The following CALCOCO2 variants were observed in gnomAD, a reference collection of about 807,000 sequenced individuals.
The protein encoded by CALCOCO2 is calcium binding and coiled-coil domain 2, also known as calcium-binding and coiled-coil domain-containing protein 2.
In CALCOCO2, 42 loss-of-function variants were observed where a neutral mutation model predicts 62.5. The ratio of observed to expected loss-of-function variants is 0.67; its 90% confidence interval spans 0.53 to 0.87. CALCOCO2 has a LOEUF of 0.87. Among genes scored for constraint, CALCOCO2 ranks in the 40% least tolerant of loss-of-function variants. The pLI is 0.00. For missense variants in CALCOCO2, 456 were observed against 515.0 expected (o/e 0.89, Z 1.11); for synonymous variants, 167 against 173.0 (o/e 0.97, Z 0.27).
At chr17:48,844,996 C>G (rs1015280888) in intron 2 of CALCOCO2, among the ~76,000 whole-genome samples, 22 of 151,936 alleles carry the variant, frequency 1.4e-4, no homozygotes, top group Admixed American at 5.2e-4. Context: ...ATTAGCCAGG[C>G]GTGGTGGCAC....
intron 1 of CALCOCO2, among the ~76,000 whole-genome samples, chr17:48,834,698 C>T (rs116525802): frequency 0.012 from 1,789 of 152,184 alleles, 36 homozygotes; most frequent in African/African-American, 0.04. Flanking sequence ...GGATGGTAGA[C>T]AGGTTCTATA....
chr17:48,834,795 C>G (rs879461784), intron 1 of CALCOCO2, among the ~76,000 whole-genome samples: 48 of 152,142 alleles, frequency 3.2e-4, no homozygotes, highest in Non-Finnish European at 1.0e-4. Context: ...CGCCTGTAAT[C>G]CCAGCACTTT....
chr17:48,855,217 A>G (rs563454801), intron 9 of CALCOCO2, among the ~76,000 whole-genome samples: 3 of 152,284 alleles, frequency 2.0e-5, no homozygotes, highest in African/African-American at 4.8e-5. Flanking sequence ...GTAACTATCA[A>G]GCAGGTTTCT....
At chr17:48,862,424 G>T in intron 12 of CALCOCO2, 120 bp downstream of exon 12, 1 of 779,282 alleles carries the variant, frequency 1.3e-6, no homozygotes. Flanking sequence ...AAGTCAGCTG[G>T]ATCAGTTTGT....
At chr17:48,852,476 T>A (rs375078334) in intron 7 of CALCOCO2, 30 bp from the exon 8 acceptor site, 54 of 1,595,194 alleles carry the variant, frequency 3.4e-5, no homozygotes, top group Non-Finnish European at 4.0e-5. Context: ...TTCTTTTATA[T>A]CTTGGTTATG....
intron 1 of CALCOCO2, among the ~76,000 whole-genome samples, chr17:48,837,176 T>C (rs2039905474): frequency 6.6e-6 from 1 of 152,150 alleles, no homozygotes; most frequent in South Asian, 2.1e-4. Context: ...CAGAGGGATA[T>C]GCTGGCCTCC....
At chr17:48,860,286 A>G (rs1162786503) in intron 10 of CALCOCO2, 28 bp from the exon 11 acceptor site, 4 of 1,605,186 alleles carry the variant, frequency 2.5e-6, no homozygotes, top group Non-Finnish European at 3.4e-6. Flanking sequence ...ATTGTCTTTC[A>G]ACATGTCTAT....
In CALCOCO2 at chr17:48,845,919, C is replaced by T. The variant is rs567025965; in HGVS notation, c.181-2145C>T. On this transcript the variant is annotated intron_variant, in intron 2 of 12. Coordinates refer to ENST00000258947, the MANE Select transcript of CALCOCO2 (RefSeq NM_005831.5). ...GCTCCCAAACCTCTGGTTTTTCCTC[C>T]TCTACTCTGCTGAATTCCTTTGAGC... is the stretch of plus-strand genomic sequence containing the variant. 1.3e-5 allele frequency: 6 copies of T among 457,956 alleles called. No homozygotes were observed. The East Asian group carries it at 1.9e-4, about 15-fold the overall frequency. 28.4% of individuals were successfully genotyped at this position (457,956 alleles called of 1,614,324 possible).
At chr17:48,848,275 T>C (rs369182557) in intron 3 of CALCOCO2, 47 bp from the exon 4 acceptor site, 224 of 1,599,294 alleles carry the variant, frequency 1.4e-4, no homozygotes, top group Non-Finnish European at 1.8e-4. Flanking sequence ...AATTTTACTT[T>C]TCTGAATAGA....
At chr17:48,844,838 C>T (rs2040024542) in intron 2 of CALCOCO2, among the ~76,000 whole-genome samples, 1 of 150,906 alleles carries the variant, frequency 6.6e-6, no homozygotes, top group African/African-American at 2.4e-5. Context: ...CTTTTAAAAA[C>T]AAGTGTTTAA....
At chr17:48,860,546 A>G (rs1050123707) in intron 11 of CALCOCO2, 97 bp downstream of exon 11, 2 of 1,076,234 alleles carry the variant, frequency 1.9e-6, no homozygotes, top group African/African-American at 3.2e-5. Flanking sequence ...GACCAGTCTC[A>G]TTGTTAAGAC....
chr17:48,852,485 T>C (rs757936556), intron 7 of CALCOCO2, 21 bp from the exon 8 acceptor site: 10 of 1,604,578 alleles, frequency 6.2e-6, no homozygotes, highest in East Asian at 2.2e-5. Flanking sequence ...ATCTTGGTTA[T>C]GTTCACTATT....
Position 48,862,825 on chromosome 17 carries a change from C to T in CALCOCO2, c.1174-13C>T, listed in dbSNP as rs1282317447. On this transcript the variant is annotated splice_polypyrimidine_tract_variant and intron_variant, in intron 12 of 12. Transcript: ENST00000258947. ...GCTTACATTTGTACTGACCTCTTTG[C>T]TCTTCCTCCCAGCTCTCCATCAAGA... 3 of 1,612,796 alleles carry T rather than the reference C, an allele frequency of 1.9e-6. No individual in the cohort carries two copies. Among genetic ancestry groups the T allele is most frequent in the East Asian group, 4.5e-5 (2 of 44,876 alleles).
intron 1 of CALCOCO2, chr17:48,831,457 A>T (rs989605395): frequency 1.3e-5 from 2 of 152,178 alleles, no homozygotes. Flanking sequence ...CCTCGCCTGG[A>T]TGTCATCGCC....
At chr17:48,857,939 T>TGCACTCCAGCCTGGCTGACGTG (rs1174536247) in intron 10 of CALCOCO2, among the ~76,000 whole-genome samples, 1 of 145,418 alleles carries the variant, frequency 6.9e-6, no homozygotes, top group Non-Finnish European at 1.5e-5. Context: ...ATCGTGCCAC[T>TGCACTCCAGCCTGGCTGACGTG]GCACTCCAGC....
chr17:48,846,655 C>A (rs2040057536), intron 2 of CALCOCO2: 8 of 606,436 alleles, frequency 1.3e-5, no homozygotes. Flanking sequence ...CCACCGCAGG[C>A]TGCAGTGGCT....
intron 1 of CALCOCO2, among the ~76,000 whole-genome samples, chr17:48,838,340 C>T (rs573710469): frequency 6.6e-6 from 1 of 152,148 alleles, no homozygotes; most frequent in East Asian, 1.9e-4. Context: ...CAGGGTGTGG[C>T]GCCGGGCTGT....
intron 9 of CALCOCO2, among the ~76,000 whole-genome samples, chr17:48,855,527 T>C (rs2143650375): frequency 6.6e-6 from 1 of 152,312 alleles, no homozygotes; most frequent in South Asian, 2.1e-4. Context: ...CTCTGAAGCA[T>C]GAAACCAGTT....
At chr17:48,841,972 G>A (rs1399123207) in intron 2 of CALCOCO2, 85 bp downstream of exon 2, 1 of 972,706 alleles carries the variant, frequency 1.0e-6, no homozygotes, top group Non-Finnish European at 1.5e-6. Flanking sequence ...TGTATTATAA[G>A]CATTTTGTAT....
Sources: gnomAD v4.1 joint callset for allele counts (sites outside exome capture counted in the v4.1 genomes callset) on GRCh38, gnomAD v4.1.1 for gene constraint, MANE v1.5 for transcripts, NCBI Gene and HGNC (gene_info 2026-07-23, HGNC 2026-07-21) for gene names.